SLIT1: variants seen among roughly 807,000 people sequenced by gnomAD.
SLIT1 encodes slit guidance ligand 1.
SLIT1 carries 66 observed loss-of-function variants against 186.1 expected under a neutral mutation model. The observed-to-expected ratio is 0.35, with a 90% confidence interval of 0.29 to 0.44. The LOEUF is 0.44. SLIT1 is among the 20% of genes least tolerant of loss of function. The pLI, the probability that SLIT1 is intolerant of heterozygous loss-of-function variation, is 1.00. For synonymous variants in SLIT1, 761 were observed against 833.8 expected, an observed-to-expected ratio of 0.91 and a Z score of 1.50; for missense variants, 1,638 against 2,037.4, an observed-to-expected ratio of 0.80 and a Z score of 3.77.
At chr10:97,056,166 A>C (rs1848834258) in intron 13 of SLIT1, among the ~76,000 whole-genome samples, 155 bp downstream of exon 13, 1 of 152,198 alleles carries the variant, frequency 6.6e-6, no homozygotes, top group Non-Finnish European at 1.5e-5. Context: ...TGAACCTAGG[A>C]CGGTCTAACC....
At chr10:97,080,777 A>G (rs950837365) in intron 4 of SLIT1, among the ~76,000 whole-genome samples, 1 of 152,262 alleles carries the variant, frequency 6.6e-6, no homozygotes, top group Non-Finnish European at 1.5e-5. Flanking sequence ...CATTTGACAA[A>G]TTGGCCATTC....
chr10:97,021,500 G>A lies in SLIT1; in HGVS notation c.2583-87C>T. ...ACCTAGAGTCCCAGGCACTGCACCA[G>A]GGGCTGGCAAAAATCTTAGCCTCCA... On this transcript the variant is annotated intron_variant, in intron 25 of 36. Transcript: ENST00000266058. The surrounding 1 kb of genome is among the most constrained non-coding windows in gnomAD (Gnocchi z 4.5). 1 of 1,260,234 alleles carries A rather than the reference G, an allele frequency of 7.9e-7. No individual in the cohort carries two copies. Among genetic ancestry groups the A allele is most frequent in the Non-Finnish European group, 1.1e-6 (1 of 911,882 alleles). 78.1% of individuals were successfully genotyped at this position (1,260,234 alleles called of 1,614,324 possible). A position where few individuals can be genotyped will look rare whatever the true frequency, so the allele number is the denominator to read the frequency against.
At chr10:97,064,973 T>C (rs531839752) in intron 5 of SLIT1, 97 bp from the exon 6 acceptor site, 1 of 870,102 alleles carries the variant, frequency 1.1e-6, no homozygotes, top group African/African-American at 1.7e-5. Flanking sequence ...TCAAAAGAGG[T>C]GCACCCCTAG....
In SLIT1 at chr10:97,004,892, C is replaced by A; in HGVS notation, c.3580-69G>T. On this transcript the variant is annotated intron_variant, in intron 32 of 36. Transcript: ENST00000266058. The surrounding 1 kb of genome is among the most constrained non-coding windows in gnomAD (Gnocchi z 5.1). The stretch of plus-strand genomic sequence containing the variant: ...CAGCGGCACAGGCTAGCAGATGGGG[C>A]AGAGAGGGCACCCAAGATTGGAAGA... 1 of 1,576,496 alleles carries A rather than the reference C, an allele frequency of 6.3e-7. No homozygotes were observed. Among genetic ancestry groups the A allele is most frequent in the Non-Finnish European group, 8.7e-7 (1 of 1,148,602 alleles).
At chr10:97,057,985 T>C (rs774414795) in intron 11 of SLIT1, 8 of 717,272 alleles carry the variant, frequency 1.1e-5, no homozygotes, top group Non-Finnish European at 2.1e-5. Flanking sequence ...AAATCCTGGG[T>C]ACTTCCTCTT....
intron 4 of SLIT1, among the ~76,000 whole-genome samples, chr10:97,130,501 T>C (rs1393461623): frequency 6.6e-6 from 1 of 152,328 alleles, no homozygotes; most frequent in East Asian, 1.9e-4. Context: ...AATAAGCCAG[T>C]CGCAAAAGGA....
chr10:97,098,560 C>G (rs1000881853), intron 4 of SLIT1, among the ~76,000 whole-genome samples: 3 of 152,158 alleles, frequency 2.0e-5, no homozygotes, highest in African/African-American at 7.2e-5. Flanking sequence ...AAGTGGTGTG[C>G]ACAGAGAAAC....
At chr10:97,158,482 T>C (rs1849981366) in intron 3 of SLIT1, among the ~76,000 whole-genome samples, 1 of 151,840 alleles carries the variant, frequency 6.6e-6, no homozygotes, top group South Asian at 2.1e-4. Flanking sequence ...GCCAACATGG[T>C]GAAACCCCGT....
chr10:97,041,969 A>T (rs944980426), intron 20 of SLIT1, among the ~76,000 whole-genome samples: 1 of 152,130 alleles, frequency 6.6e-6, no homozygotes, highest in African/African-American at 2.4e-5. Context: ...AGACATTTTT[A>T]AAAAGACTTG....
intron 11 of SLIT1, among the ~76,000 whole-genome samples, chr10:97,058,904 G>A (rs891248393): frequency 6.6e-6 from 1 of 152,212 alleles, no homozygotes; most frequent in South Asian, 2.1e-4. Flanking sequence ...ACTACCTTTT[G>A]TATGTTTTAT....
At chr10:97,081,643 G>A (rs1206156241) in intron 4 of SLIT1, among the ~76,000 whole-genome samples, 1 of 152,156 alleles carries the variant, frequency 6.6e-6, no homozygotes, top group African/African-American at 2.4e-5. Flanking sequence ...CCCTCCACAT[G>A]CACAGACAGG....
intron 4 of SLIT1, among the ~76,000 whole-genome samples, chr10:97,108,508 C>T (rs1021545396): frequency 6.6e-6 from 1 of 152,132 alleles, no homozygotes; most frequent in African/African-American, 2.4e-5. Flanking sequence ...CCCAGCACAC[C>T]CCAATATCCA....
intron 4 of SLIT1, among the ~76,000 whole-genome samples, chr10:97,129,592 GA>G (rs1343169684): frequency 2.0e-5 from 3 of 152,090 alleles, no homozygotes; most frequent in South Asian, 2.1e-4. Context: ...AGAATGGCCT[GA>G]ACCAGGGGAG....
intron 4 of SLIT1, among the ~76,000 whole-genome samples, chr10:97,095,408 G>T (rs1849277663): frequency 6.6e-6 from 1 of 152,190 alleles, no homozygotes; most frequent in South Asian, 2.1e-4. Context: ...ACTTCCCATG[G>T]AAGGTCCCTC....
rs936940038 is a variant in SLIT1 at position 97,004,635 on chromosome 10, C to A, written c.3710+58G>T. ...AACCACCTGCTTTTGGCCCAGGAGACCTCGCCCTGGCAGTCCCGTACCCCT... is the reference window on the plus strand; with the variant it reads ...AACCACCTGCTTTTGGCCCAGGAGAACTCGCCCTGGCAGTCCCGTACCCCT... On this transcript the variant is annotated intron_variant, in intron 33 of 36. Coordinates refer to ENST00000266058, the MANE Select transcript of SLIT1 (RefSeq NM_003061.3). The surrounding 1 kb of genome is among the most constrained non-coding windows in gnomAD (Gnocchi z 5.1). 33 of 1,605,826 alleles carry A rather than the reference C, an allele frequency of 2.1e-5. No individual in the cohort carries two copies. The highest frequency in any genetic ancestry group is 1.7e-4 in the Middle Eastern group (1 of 6,030).
Position 97,064,821 on chromosome 10 carries a change from G to A in SLIT1, c.541C>T (p.Arg181Trp), listed in dbSNP as rs758556942. The A allele has an allele frequency of 9.3e-6, 15 of 1,610,854 alleles. No homozygotes were observed. The highest frequency in any genetic ancestry group is 2.7e-5 in the African/African-American group (2 of 74,716). The change falls in exon 6 of 37, where the codon CGG (arginine) becomes TGG (tryptophan). Residue 181 changes from arginine (R) to tryptophan (W), a missense_variant. Coordinates refer to ENST00000266058, the MANE Select transcript of SLIT1 (RefSeq NM_003061.3). ...TTTACTTACAGCACCTCCAGCCCCC[G>A]CAGAGCACGGAAGGCCCCTTCCTCA... The part of the protein sequence containing the change: ...CIEEGAFRAL[R>W]GLEVLTLNNN...
Position 97,185,693 on chromosome 10 carries a change from C to G in SLIT1, c.-19G>C, listed in dbSNP as rs1408460362. On this transcript the variant is annotated 5_prime_UTR_variant, in exon 1 of 37. Transcript: ENST00000266058. ...GCGCCATGGTGCCCTCACAGCGTCC[C>G]GCTCGCGAGCCAGACGGCAGCAGCC... 4 of 1,482,078 alleles carry G rather than the reference C, an allele frequency of 2.7e-6. No individual in the cohort carries two copies. The highest frequency in any genetic ancestry group is 3.6e-6 in the Non-Finnish European group (4 of 1,125,078). 91.8% of individuals were successfully genotyped at this position (1,482,078 alleles called of 1,614,324 possible). A position where few individuals can be genotyped will look rare whatever the true frequency, so the allele number is the denominator to read the frequency against.
At chr10:97,019,164 C>T in intron 26 of SLIT1, 57 bp from the exon 27 acceptor site, 1 of 1,134,306 alleles carries the variant, frequency 8.8e-7, no homozygotes, top group Non-Finnish European at 1.3e-6. Flanking sequence ...CAGGGCTGGG[C>T]ACAGAGCACC....
rs552953578 is a variant in SLIT1, at chr10:97,185,413, G to T, written c.197+65C>A. ...TGGTCCTGCCCCCACCCCCAAGTCC[G>T]GAATTGCGTCTGGGTGGGAGGGCAA... On this transcript the variant is annotated intron_variant, in intron 1 of 36. Transcript: ENST00000266058. 9.9e-6 allele frequency: 15 copies of T among 1,517,390 alleles called. No individual in the cohort carries two copies. In the African/African-American group the frequency reaches 1.8e-4, roughly 18 times the overall value. The allele number at this position is 1,517,390 out of a possible 1,614,324, so 94.0% of individuals were successfully genotyped here.
Sources: gnomAD v4.1 joint callset for allele counts (sites outside exome capture counted in the v4.1 genomes callset) on GRCh38, gnomAD v4.1.1 for gene constraint, Gnocchi (gnomAD v3.1) non-coding constraint, MANE v1.5 for transcripts, NCBI Gene and HGNC (gene_info 2026-07-23, HGNC 2026-07-21) for gene names.